NTM: variants seen among roughly 807,000 people sequenced by gnomAD.
NTM encodes neurotrimin.
In NTM, 13 loss-of-function variants were observed where a neutral mutation model predicts 42.1. That is an observed-to-expected ratio of 0.31 (90% CI 0.20 to 0.49). The LOEUF (loss-of-function observed/expected upper bound fraction) is 0.49. Ranked by LOEUF, NTM falls within the 20% of genes least tolerant of loss-of-function variation. The probability of loss-of-function intolerance (pLI) is 0.99; values close to 1 mark genes in which losing one functional copy is unlikely to be tolerated. For missense variants in NTM, 373 were observed against 452.8 expected, an observed-to-expected ratio of 0.82 and a Z score of 1.60; for synonymous variants, 187 against 179.2, an observed-to-expected ratio of 1.04 and a Z score of -0.35.
chr11:131,942,268 TCTTA>T (rs1387107217), intron 2 of NTM, among the ~76,000 whole-genome samples: 3 of 152,192 alleles, frequency 2.0e-5, no homozygotes, highest in Non-Finnish European at 4.4e-5. Context: ...ACATATTAAT[TCTTA>T]CTTGTGCAAT....
intron 4 of NTM, among the ~76,000 whole-genome samples, chr11:132,292,045 G>A (rs2094464768): frequency 6.6e-6 from 1 of 152,164 alleles, no homozygotes; most frequent in Admixed American, 6.5e-5. Flanking sequence ...ATTAGAAGGT[G>A]TGAAAACAAC....
At chr11:131,644,502 T>C (rs541149336) in intron 1 of NTM, among the ~76,000 whole-genome samples, 71 of 152,308 alleles carry the variant, frequency 4.7e-4, no homozygotes, top group African/African-American at 1.7e-3. Context: ...TCCTACTACT[T>C]AGCCTGCTCT....
At chr11:131,647,665 T>C (rs1436613724) in intron 1 of NTM, among the ~76,000 whole-genome samples, 1 of 152,206 alleles carries the variant, frequency 6.6e-6, no homozygotes, top group Admixed American at 6.5e-5. Flanking sequence ...TTAAACAATT[T>C]TTCCAAAATT....
At chr11:131,878,343 G>A (rs1467142012) in intron 1 of NTM, among the ~76,000 whole-genome samples, 5 of 151,824 alleles carry the variant, frequency 3.3e-5, no homozygotes, top group Non-Finnish European at 5.9e-5. Context: ...GGCTGAGGCA[G>A]ATGGATCACC....
intron 1 of NTM, among the ~76,000 whole-genome samples, chr11:131,400,875 C>T (rs1209708686): frequency 1.3e-5 from 2 of 152,004 alleles, no homozygotes; most frequent in Non-Finnish European, 2.9e-5. Context: ...AATAAAACCA[C>T]TTTTCTTCCT....
chr11:131,585,068 TAG>T (rs1157809002), intron 1 of NTM, among the ~76,000 whole-genome samples: 1 of 152,156 alleles, frequency 6.6e-6, no homozygotes, highest in Non-Finnish European at 1.5e-5. Context: ...AAGGCAAAAT[TAG>T]AGACTTTCTT....
At chr11:132,334,892 C>T (rs1204191797) in intron 8 of NTM, 154 bp from the exon 9 acceptor site, 5 of 803,242 alleles carry the variant, frequency 6.2e-6, no homozygotes, top group Non-Finnish European at 7.5e-6. Context: ...GGCCATAGAA[C>T]GTTCACTTCT....
At chr11:132,223,503 C>T (rs534346281) in intron 4 of NTM, among the ~76,000 whole-genome samples, 3 of 152,206 alleles carry the variant, frequency 2.0e-5, no homozygotes, top group South Asian at 2.1e-4. Context: ...AGGACCCAGC[C>T]GGCACGCTCA....
At chr11:131,390,211 AAG>A (rs1943827624) in intron 1 of NTM, among the ~76,000 whole-genome samples, 1 of 152,156 alleles carries the variant, frequency 6.6e-6, no homozygotes, top group Non-Finnish European at 1.5e-5. Flanking sequence ...GGGAGTAAGA[AAG>A]AGAGGAGAGG....
chr11:131,822,972 C>T (rs1384767819), intron 1 of NTM, among the ~76,000 whole-genome samples: 1 of 152,062 alleles, frequency 6.6e-6, no homozygotes, highest in Non-Finnish European at 1.5e-5. Flanking sequence ...TTCCTTCTGT[C>T]TCCCTCCCTT....
intron 2 of NTM, among the ~76,000 whole-genome samples, chr11:132,101,806 T>A (rs1336224236): frequency 6.6e-6 from 1 of 152,208 alleles, no homozygotes. Context: ...CCTCCTGTCC[T>A]GCCTCACCTA....
intron 2 of NTM, among the ~76,000 whole-genome samples, chr11:132,000,462 G>A (rs2068979948): frequency 6.6e-6 from 1 of 152,122 alleles, no homozygotes; most frequent in Non-Finnish European, 1.5e-5. Context: ...TGTTCCCAAG[G>A]GGATTTCAGC....
At chr11:132,172,682 A>G (rs4937678) in intron 3 of NTM, among the ~76,000 whole-genome samples, 98,682 of 152,080 alleles carry the variant, frequency 0.65, 32,566 homozygotes, top group African/African-American at 0.71. Context: ...TATAGTGGAG[A>G]GTTCCAGGTC....
At chr11:131,371,876 G>T (rs984148448) in intron 1 of NTM, among the ~76,000 whole-genome samples, 1 of 152,190 alleles carries the variant, frequency 6.6e-6, no homozygotes, top group Non-Finnish European at 1.5e-5. Context: ...CTTTCCCAGG[G>T]TGGCCCAGCA....
At chr11:132,136,604 C>T (rs533026909) in intron 2 of NTM, among the ~76,000 whole-genome samples, 1 of 152,352 alleles carries the variant, frequency 6.6e-6, no homozygotes, top group South Asian at 2.1e-4. Context: ...GGTGGACAGG[C>T]AGTCTGCCTG....
At chr11:131,686,973 G>A (rs1342690410) in intron 1 of NTM, among the ~76,000 whole-genome samples, 4 of 152,212 alleles carry the variant, frequency 2.6e-5, no homozygotes, top group Non-Finnish European at 2.9e-5. Flanking sequence ...GTGGGAGGGT[G>A]TGGGGGCAGC....
chr11:131,386,024 A>C (rs963098113), intron 1 of NTM, among the ~76,000 whole-genome samples: 1 of 152,244 alleles, frequency 6.6e-6, no homozygotes, highest in Non-Finnish European at 1.5e-5. Context: ...TTATACATGA[A>C]TGTTCATAGC....
chr11:132,298,884 A>G (rs960525419), intron 4 of NTM, among the ~76,000 whole-genome samples: 1 of 151,974 alleles, frequency 6.6e-6, no homozygotes, highest in Non-Finnish European at 1.5e-5. Context: ...AGACACATAT[A>G]TGTGTGTATA....
At chr11:132,177,857 A>G (rs2077038832) in intron 3 of NTM, among the ~76,000 whole-genome samples, 1 of 152,228 alleles carries the variant, frequency 6.6e-6, no homozygotes, top group South Asian at 2.1e-4. Flanking sequence ...GTTAATTCCC[A>G]ATTGCTTCAG....
Sources: gnomAD v4.1 joint callset for allele counts (sites outside exome capture counted in the v4.1 genomes callset) on GRCh38, gnomAD v4.1.1 for gene constraint, MANE v1.5 for transcripts, NCBI Gene and HGNC (gene_info 2026-07-23, HGNC 2026-07-21) for gene names.